Variants in MACROD2 observed in about 807,000 individuals in gnomAD.
MACROD2 encodes the protein ADP-ribose glycohydrolase MACROD2.
Under a neutral mutation model 70.4 loss-of-function variants are expected in MACROD2, and 36 were observed. The observed-to-expected ratio is 0.51, with a 90% CI of 0.39 to 0.68. MACROD2 has a LOEUF of 0.68. Among genes scored for constraint, MACROD2 ranks in the 30% least tolerant of loss-of-function variants. MACROD2 has a pLI of 0.00. For missense variants in MACROD2, 496 were observed against 538.4 expected (o/e 0.92, Z 0.78); for synonymous variants, 172 against 178.8 (o/e 0.96, Z 0.30).
chr20:14,609,999 G>A (rs79767604), intron 4 of MACROD2, among the ~76,000 whole-genome samples: 4,083 of 151,970 alleles, frequency 0.027, 188 homozygotes, highest in African/African-American at 0.094. Context: ...CATGTATACC[G>A]CAGGGTTTTA....
intron 5 of MACROD2, among the ~76,000 whole-genome samples, chr20:15,048,970 A>G (rs1413775187): frequency 2.6e-5 from 4 of 152,052 alleles, no homozygotes; most frequent in African/African-American, 9.7e-5. Flanking sequence ...ACTCTACTGG[A>G]TAAATGAACA....
chr20:14,641,421 A>G (rs1337486445), intron 4 of MACROD2, among the ~76,000 whole-genome samples: 1 of 152,228 alleles, frequency 6.6e-6, no homozygotes, highest in Non-Finnish European at 1.5e-5. Context: ...TCTTCCATGA[A>G]TCACAAATGT....
chr20:15,256,308 A>C (rs2146036145), intron 6 of MACROD2, among the ~76,000 whole-genome samples: 1 of 152,018 alleles, frequency 6.6e-6, no homozygotes, highest in East Asian at 1.9e-4. Flanking sequence ...TGAAATTTAG[A>C]ATGTCTGGGG....
chr20:15,010,494 T>C (rs1216630050), intron 5 of MACROD2, among the ~76,000 whole-genome samples: 1 of 152,246 alleles, frequency 6.6e-6, no homozygotes, highest in Non-Finnish European at 1.5e-5. Flanking sequence ...CATTTAATTT[T>C]ATGGTTATAG....
chr20:15,773,872 G>A (rs1211825939), intron 8 of MACROD2, among the ~76,000 whole-genome samples: 1 of 152,074 alleles, frequency 6.6e-6, no homozygotes, highest in Non-Finnish European at 1.5e-5. Flanking sequence ...AAGAAGATGA[G>A]GAGATGCAGT....
At chr20:14,278,887 A>T (rs896792201) in intron 3 of MACROD2, among the ~76,000 whole-genome samples, 2 of 152,170 alleles carry the variant, frequency 1.3e-5, no homozygotes, top group South Asian at 4.1e-4. Flanking sequence ...TAAGAGTTAC[A>T]TATTGTTTTA....
intron 3 of MACROD2, among the ~76,000 whole-genome samples, chr20:14,086,613 A>G (rs1160801801): frequency 6.6e-6 from 1 of 152,118 alleles, no homozygotes; most frequent in East Asian, 1.9e-4. Flanking sequence ...AGGAGGGGTT[A>G]CTCACCTTCC....
intron 6 of MACROD2, among the ~76,000 whole-genome samples, chr20:15,392,231 A>G (rs2045802588): frequency 6.6e-6 from 1 of 152,188 alleles, no homozygotes; most frequent in Non-Finnish European, 1.5e-5. Flanking sequence ...ATATGAAAAA[A>G]GAGATCCTTA....
intron 5 of MACROD2, among the ~76,000 whole-genome samples, chr20:14,874,082 T>C (rs2073520814): frequency 6.6e-6 from 1 of 152,074 alleles, no homozygotes; most frequent in Admixed American, 6.5e-5. Context: ...AGCTTGCCTA[T>C]CTCTAACACT....
intron 5 of MACROD2, among the ~76,000 whole-genome samples, chr20:14,845,680 G>A (rs985000098): frequency 2.0e-5 from 3 of 151,960 alleles, no homozygotes; most frequent in African/African-American, 7.3e-5. Context: ...AGTTTGACTT[G>A]AGGCTATTTA....
At chr20:14,721,390 C>T (rs1347634370) in intron 5 of MACROD2, among the ~76,000 whole-genome samples, 1 of 152,024 alleles carries the variant, frequency 6.6e-6, no homozygotes, top group Admixed American at 6.6e-5. Context: ...GAGCGAGATA[C>T]TGTCTCAAAA....
At chr20:15,725,060 C>T (rs2050841544) in intron 8 of MACROD2, among the ~76,000 whole-genome samples, 1 of 151,918 alleles carries the variant, frequency 6.6e-6, no homozygotes, top group African/African-American at 2.4e-5. Flanking sequence ...CCAGCCTGGG[C>T]GACAGAGTGA....
intron 4 of MACROD2, among the ~76,000 whole-genome samples, chr20:14,495,069 C>T (rs1330064799): frequency 6.6e-6 from 1 of 152,048 alleles, no homozygotes; most frequent in Non-Finnish European, 1.5e-5. Context: ...TTGAGTATTT[C>T]AAAAAATTGA....
At chr20:15,765,646 A>G (rs935717703) in intron 8 of MACROD2, among the ~76,000 whole-genome samples, 3 of 152,212 alleles carry the variant, frequency 2.0e-5, no homozygotes, top group African/African-American at 7.2e-5. Flanking sequence ...TGTGTTAAAG[A>G]GGGAAAACAT....
intron 6 of MACROD2, among the ~76,000 whole-genome samples, chr20:15,336,387 GA>G (rs11087130): frequency 1.4e-5 from 2 of 145,198 alleles, no homozygotes; most frequent in Non-Finnish European, 3.0e-5. Flanking sequence ...AAAAAAAAAA[GA>G]AAAAAAAAGG....
chr20:14,669,507 C>A (rs907322597), intron 4 of MACROD2, among the ~76,000 whole-genome samples: 5 of 152,108 alleles, frequency 3.3e-5, no homozygotes, highest in South Asian at 2.1e-4. Flanking sequence ...GACATATTTA[C>A]TTCTTTGTAG....
At chr20:14,485,757 A>G (rs907689179) in intron 3 of MACROD2, among the ~76,000 whole-genome samples, 1 of 150,922 alleles carries the variant, frequency 6.6e-6, no homozygotes, top group South Asian at 2.1e-4. Context: ...GGAATGGTAG[A>G]TAAGAGGAGT....
intron 10 of MACROD2, among the ~76,000 whole-genome samples, chr20:15,924,949 T>A (rs1437633746): frequency 2.0e-5 from 3 of 152,084 alleles, no homozygotes. Flanking sequence ...TAGAAGAAAA[T>A]TTAAACTTAG....
At chr20:15,956,063 A>G (rs1342428197) in intron 12 of MACROD2, among the ~76,000 whole-genome samples, 1 of 152,212 alleles carries the variant, frequency 6.6e-6, no homozygotes, top group Non-Finnish European at 1.5e-5. Flanking sequence ...TGTATTTTAT[A>G]CTTACAGCAT....
Sources: gnomAD v4.1 joint callset for allele counts (sites outside exome capture counted in the v4.1 genomes callset) on GRCh38, gnomAD v4.1.1 for gene constraint, MANE v1.5 for transcripts, NCBI Gene and HGNC (gene_info 2026-07-23, HGNC 2026-07-21) for gene names.